GALNT13: variants seen among roughly 807,000 people sequenced by gnomAD.
The protein encoded by GALNT13 is polypeptide N-acetylgalactosaminyltransferase 13.
A neutral mutation model predicts 64.2 loss-of-function variants in GALNT13; 28 were observed. The observed-to-expected ratio is 0.44, with a 90% confidence interval of 0.32 to 0.60. The LOEUF (loss-of-function observed/expected upper bound fraction) is 0.60, where lower values mean the gene tolerates loss of function less well. Ranked by LOEUF, GALNT13 falls within the 20% of genes least tolerant of loss-of-function variation. GALNT13 has a pLI of 0.05. For missense variants in GALNT13, 577 were observed against 669.8 expected, an observed-to-expected ratio of 0.86 and a Z score of 1.53; for synonymous variants, 214 against 224.6, an observed-to-expected ratio of 0.95 and a Z score of 0.42.
At chr2:154,008,126 T>C (rs927345181) in intron 3 of GALNT13, among the ~76,000 whole-genome samples, 1 of 152,198 alleles carries the variant, frequency 6.6e-6, no homozygotes, top group Non-Finnish European at 1.5e-5. Context: ...AGAGACAGGA[T>C]CAACTCCCAA....
chr2:153,518,054 C>A, the GALNT13 span, among the ~76,000 whole-genome samples: 1 of 152,098 alleles, frequency 6.6e-6, no homozygotes, highest in East Asian at 1.9e-4. Flanking sequence ...GCTGAGAAAA[C>A]ATGGTAGCTC....
chr2:153,875,092 A>G (rs1325461396), intron 1 of GALNT13, among the ~76,000 whole-genome samples: 1 of 136,376 alleles, frequency 7.3e-6, no homozygotes, highest in South Asian at 2.5e-4. Context: ...TAAATAATTT[A>G]TGGATTCCCC....
chr2:154,151,953 G>A (rs1684057778), intron 4 of GALNT13, among the ~76,000 whole-genome samples: 1 of 152,130 alleles, frequency 6.6e-6, no homozygotes. Context: ...ATTGTTATGT[G>A]TGAATTTGAT....
chr2:153,267,132 C>T, the GALNT13 span, among the ~76,000 whole-genome samples: 20,243 of 152,282 alleles, frequency 0.13, 1,672 homozygotes, highest in Non-Finnish European at 0.18. Flanking sequence ...CTCTGTGTGT[C>T]ACATCCAGAT....
chr2:153,729,604 C>A, the GALNT13 span, among the ~76,000 whole-genome samples: 1 of 151,938 alleles, frequency 6.6e-6, no homozygotes, highest in Non-Finnish European at 1.5e-5. Context: ...CCCACTTTCA[C>A]TATTCCTATT....
chr2:153,767,709 G>A, the GALNT13 span, among the ~76,000 whole-genome samples: 1 of 151,638 alleles, frequency 6.6e-6, no homozygotes, highest in African/African-American at 2.4e-5. Context: ...TACTGATGTT[G>A]AGCATATTTT....
chr2:153,627,179 T>G, the GALNT13 span, among the ~76,000 whole-genome samples: 1 of 152,062 alleles, frequency 6.6e-6, no homozygotes, highest in Non-Finnish European at 1.5e-5. Flanking sequence ...CATTGAGGAC[T>G]GTACACTGAA....
chr2:154,182,118 T>C (rs1248665235), intron 4 of GALNT13, among the ~76,000 whole-genome samples: 1 of 152,196 alleles, frequency 6.6e-6, no homozygotes, highest in Non-Finnish European at 1.5e-5. Flanking sequence ...GTACTATTTC[T>C]AGCTCCCTTT....
At chr2:153,804,121 G>A in the GALNT13 span, among the ~76,000 whole-genome samples, 3 of 152,252 alleles carry the variant, frequency 2.0e-5, no homozygotes, top group African/African-American at 7.2e-5. Flanking sequence ...ATAGAAATTA[G>A]GGTTAAAATA....
At chr2:153,713,764 G>A in the GALNT13 span, among the ~76,000 whole-genome samples, 523 of 152,270 alleles carry the variant, frequency 3.4e-3, 5 homozygotes, top group East Asian at 0.019. Flanking sequence ...GATTACAGGC[G>A]TGAGCCACTA....
Position 154,157,995 on chromosome 2 carries a change from C to T in GALNT13, c.311+17490C>T, listed in dbSNP as rs149091314. On this transcript the variant is annotated intron_variant, in intron 4 of 12. Transcript: ENST00000392825. ...CCCTAACCCCAAGCGTAGATATGTC[C>T]TAAGGGTAAGGCCTAAGGGTAATGA... 6.2e-4 allele frequency among the ~76,000 whole-genome samples: 95 copies of T among 152,200 alleles called. 1 individual carries two copies. The highest frequency in any genetic ancestry group is 1.1e-3 in the Non-Finnish European group (78 of 68,006).
the GALNT13 span, among the ~76,000 whole-genome samples, chr2:153,652,282 ATTAAC>A: frequency 2.2e-4 from 34 of 152,288 alleles, no homozygotes; most frequent in East Asian, 4.1e-3. Context: ...GTATTTTACA[ATTAAC>A]TTAAACTTGA....
the GALNT13 span, among the ~76,000 whole-genome samples, chr2:153,265,245 T>TC: frequency 2.0e-5 from 3 of 152,294 alleles, no homozygotes; most frequent in Non-Finnish European, 4.4e-5. Context: ...GATCAGGACT[T>TC]CCCCAGAAGT....
At chr2:154,104,024 G>C (rs1006434850) in intron 3 of GALNT13, among the ~76,000 whole-genome samples, 3 of 152,106 alleles carry the variant, frequency 2.0e-5, no homozygotes, top group Non-Finnish European at 4.4e-5. Context: ...AGAGTAGTGT[G>C]GGAAGTTCAT....
the GALNT13 span, among the ~76,000 whole-genome samples, chr2:153,409,713 A>C: frequency 2.6e-5 from 4 of 152,000 alleles, no homozygotes; most frequent in African/African-American, 7.3e-5. Flanking sequence ...AAATAAAAAG[A>C]ACTGCGTAGT....
chr2:153,458,778 T>A, the GALNT13 span, among the ~76,000 whole-genome samples: 3 of 152,194 alleles, frequency 2.0e-5, no homozygotes, highest in Non-Finnish European at 4.4e-5. Flanking sequence ...ATTCCCCCTG[T>A]ACAAATCAAA....
chr2:153,992,307 G>T (rs1484376443), intron 3 of GALNT13, among the ~76,000 whole-genome samples: 1 of 152,164 alleles, frequency 6.6e-6, no homozygotes, highest in Non-Finnish European at 1.5e-5. Context: ...AGTGTGCTAA[G>T]ATTATATATG....
intron 4 of GALNT13, among the ~76,000 whole-genome samples, chr2:154,212,711 C>T (rs938925978): frequency 1.3e-5 from 2 of 151,952 alleles, no homozygotes; most frequent in East Asian, 1.9e-4. Flanking sequence ...CCTCCTTCTT[C>T]CCCCCATCCT....
chr2:154,367,039 A>G (rs1209625467), intron 9 of GALNT13, among the ~76,000 whole-genome samples: 1 of 152,198 alleles, frequency 6.6e-6, no homozygotes. Flanking sequence ...GCTACTTTTT[A>G]TGTTCATTAT....
Sources: gnomAD v4.1 joint callset for allele counts (sites outside exome capture counted in the v4.1 genomes callset) on GRCh38, gnomAD v4.1.1 for gene constraint, MANE v1.5 for transcripts, NCBI Gene and HGNC (gene_info 2026-07-23, HGNC 2026-07-21) for gene names.